The following TEF variants were observed in gnomAD, a reference collection of about 807,000 sequenced individuals.
TEF encodes TEF transcription factor, PAR bZIP family member, also known as thyrotroph embryonic factor.
TEF carries 3 observed loss-of-function variants against 20.8 expected under a neutral mutation model. The observed-to-expected ratio is 0.14, with a 90% CI of 0.07 to 0.37. The LOEUF is 0.37. Ranked by LOEUF, TEF falls within the 10% of genes least tolerant of loss-of-function variation. The pLI is 1.00. For missense variants in TEF, 296 were observed against 397.9 expected (o/e 0.74, Z 2.18); for synonymous variants, 180 against 171.1 (o/e 1.05, Z -0.41).
Position 41,389,656 on chromosome 22 carries a change from A to C in TEF, c.475+1988A>C, listed in dbSNP as rs572472886. 1.5e-4 allele frequency among the ~76,000 whole-genome samples: 22 copies of C among 150,806 alleles called. No homozygotes were observed. The South Asian group carries it at 4.6e-3, about 32-fold the overall frequency. On this transcript the variant is annotated intron_variant, in intron 2 of 3. Coordinates refer to ENST00000266304, the MANE Select transcript of TEF (RefSeq NM_003216.4). The stretch of plus-strand genomic sequence containing the variant: ...AAAAGTTTTTTTTTTTTTTCTGTAG[A>C]GTCAGGGTATCACTGTGTTGCCCTG...
At chr22:41,388,570 C>T (rs1463254436) in intron 2 of TEF, among the ~76,000 whole-genome samples, 2 of 141,140 alleles carry the variant, frequency 1.4e-5, no homozygotes, top group Non-Finnish European at 3.1e-5. Flanking sequence ...CAGAGTGAGA[C>T]GCCATCTCAA....
intron 2 of TEF, among the ~76,000 whole-genome samples, chr22:41,391,171 A>G (rs1211760983): frequency 6.6e-6 from 1 of 152,208 alleles, no homozygotes; most frequent in Non-Finnish European, 1.5e-5. Flanking sequence ...TAATCCAATT[A>G]AAGCCTAAGT....
chr22:41,368,393 G>A (rs1266818703), intron 1 of TEF, among the ~76,000 whole-genome samples: 1 of 152,110 alleles, frequency 6.6e-6, no homozygotes, highest in Non-Finnish European at 1.5e-5. Flanking sequence ...CACCTGGGGT[G>A]TCCTCTCAGG....
rs562028849 is a variant in TEF at position 41,385,571 on chromosome 22, G to A, written c.158-1780G>A. Among the ~76,000 whole-genome samples, 7 of 152,248 alleles carry A rather than the reference G, an allele frequency of 4.6e-5. No homozygotes were observed. The South Asian group carries it at 1.5e-3, about 32-fold the overall frequency. ...AGGACAGGGGAACACAGAAGTTCTTGGCCTGAAGATCTCAGCCCTTTCTAA... is the reference window on the plus strand; with the variant it reads ...AGGACAGGGGAACACAGAAGTTCTTAGCCTGAAGATCTCAGCCCTTTCTAA... On this transcript the variant is annotated intron_variant, in intron 1 of 3. Coordinates refer to ENST00000266304, the MANE Select transcript of TEF (RefSeq NM_003216.4).
chr22:41,395,936 T>C lies in TEF; in HGVS notation c.888T>C (p.Tyr296=), dbSNP rs1179381284. 1.9e-6 allele frequency: 3 copies of C among 1,613,590 alleles called. No homozygotes were observed. Among genetic ancestry groups the C allele is most frequent in the Admixed American group, 1.7e-5 (1 of 60,014 alleles). ...VGKCKTIVSK[Y]ETKYGPL The stretch of plus-strand genomic sequence containing the variant: ...AGTGCAAGACCATCGTGTCCAAGTA[T>C]GAGACCAAATACGGGCCCTTGTAAC... Residue 296 remains tyrosine, a synonymous_variant, in exon 4 of 4, where the codon TAT becomes TAC. Transcript: ENST00000266304.
At chr22:41,380,668 C>A (rs2037006006), upstream of TEF, among the ~76,000 whole-genome samples, 1 of 152,190 alleles carries the variant, frequency 6.6e-6, no homozygotes. Context: ...CCTGGGTTTG[C>A]AGCGGAGTCT....
At chr22:41,370,240 G>A (rs1569250087) in intron 1 of TEF, 6 of 345,804 alleles carry the variant, frequency 1.7e-5, no homozygotes, top group Non-Finnish European at 2.4e-5. Context: ...TCAGCTACCC[G>A]AGTAGCTGGG....
At chr22:41,382,631 AAG>A (rs1209278819) in intron 1 of TEF, among the ~76,000 whole-genome samples, 5 of 151,976 alleles carry the variant, frequency 3.3e-5, no homozygotes, top group Admixed American at 1.3e-4. Flanking sequence ...AAGTACACCA[AAG>A]TTTAGGAAGC....
At chr22:41,377,628 A>G (rs1353284107), upstream of TEF, among the ~76,000 whole-genome samples, 1 of 152,236 alleles carries the variant, frequency 6.6e-6, no homozygotes, top group Non-Finnish European at 1.5e-5. Flanking sequence ...AGAACATAAT[A>G]GCTCCCACCT....
chr22:41,376,935 C>G (rs1285148619), intron 1 of TEF, among the ~76,000 whole-genome samples: 1 of 152,204 alleles, frequency 6.6e-6, no homozygotes, highest in Non-Finnish European at 1.5e-5. Flanking sequence ...GGAAGGCCTC[C>G]CCACAAAGTC....
At chr22:41,393,971 T>G (rs1601825713) in intron 2 of TEF, 125 bp from the exon 3 acceptor site, 1 of 753,820 alleles carries the variant, frequency 1.3e-6, no homozygotes. Flanking sequence ...ACTGTTGGGG[T>G]TTTCTTCTCC....
chr22:41,370,830 T>C (rs1226027932), intron 1 of TEF, among the ~76,000 whole-genome samples: 1 of 152,200 alleles, frequency 6.6e-6, no homozygotes, highest in African/African-American at 2.4e-5. Flanking sequence ...TTCCTGTCCC[T>C]GGATAAACAG....
chr22:41,382,858 A>C, intron 1 of TEF: 3 of 470,848 alleles, frequency 6.4e-6, no homozygotes, highest in South Asian at 4.6e-5. Flanking sequence ...GATGAGGGTC[A>C]GATGAGTCCA....
chr22:41,371,396 C>T (rs971078843), intron 1 of TEF, among the ~76,000 whole-genome samples: 1 of 152,204 alleles, frequency 6.6e-6, no homozygotes, highest in Non-Finnish European at 1.5e-5. Flanking sequence ...AGAATCCTTT[C>T]TAGGCAAGGC....
At chr22:41,380,864 T>C (rs528990626), upstream of TEF, among the ~76,000 whole-genome samples, 86 of 152,320 alleles carry the variant, frequency 5.6e-4, no homozygotes, top group South Asian at 2.7e-3. Context: ...AGGAGGTTTT[T>C]GTTTTCTAGG....
chr22:41,382,921 G>T (rs1450957139), intron 1 of TEF: 1 of 471,100 alleles, frequency 2.1e-6, no homozygotes, highest in Admixed American at 2.3e-5. Context: ...CTGGGGCCAC[G>T]GCGGCAGGAC....
intron 2 of TEF, among the ~76,000 whole-genome samples, chr22:41,392,481 C>T (rs2037178608): frequency 6.7e-6 from 1 of 149,592 alleles, no homozygotes; most frequent in Admixed American, 6.7e-5. Context: ...TGAGACCATC[C>T]TGGCCAACAT....
chr22:41,394,978 C>T (rs1272168152), intron 3 of TEF, among the ~76,000 whole-genome samples: 1 of 152,056 alleles, frequency 6.6e-6, no homozygotes, highest in Non-Finnish European at 1.5e-5. Flanking sequence ...TCACTGTAGG[C>T]CAGGCACTGA....
Position 41,397,455 on chromosome 22 carries a change from G to A in TEF, c.*1495G>A, listed in dbSNP as rs1030433252. On this transcript the variant is annotated 3_prime_UTR_variant, in exon 4 of 4. Coordinates refer to ENST00000266304, the MANE Select transcript of TEF (RefSeq NM_003216.4). ...GGTGAAGAGGAGACAGAGGCGATGGGCGTGCTTCGTCCTCCGTAACACTGG... is the reference window on the plus strand; with the variant it reads ...GGTGAAGAGGAGACAGAGGCGATGGACGTGCTTCGTCCTCCGTAACACTGG... 23 of 208,304 alleles carry A rather than the reference G, an allele frequency of 1.1e-4. No individual in the cohort carries two copies. In the Admixed American group the frequency reaches 1.4e-3, roughly 12 times the overall value. 12.9% of individuals were successfully genotyped at this position (208,304 alleles called of 1,614,324 possible).
Sources: allele counts gnomAD v4.1 joint callset (sites outside exome capture counted in the v4.1 genomes callset), GRCh38; gene constraint gnomAD v4.1.1; transcripts MANE v1.5; gene names NCBI Gene and HGNC (gene_info 2026-07-23, HGNC 2026-07-21).